LARGE1: variants seen among roughly 807,000 people sequenced by gnomAD.
LARGE1 encodes LARGE xylosyl- and glucuronyltransferase 1, also known as xylosyl- and glucuronyltransferase LARGE1.
In LARGE1, 43 loss-of-function variants were observed where a neutral mutation model predicts 87.6. The observed-to-expected ratio is 0.49, with a 90% CI of 0.38 to 0.63. The LOEUF (loss-of-function observed/expected upper bound fraction) is 0.63. Among genes scored for constraint, LARGE1 ranks in the 30% least tolerant of loss-of-function variants. The probability of loss-of-function intolerance (pLI) is 0.00; values close to 1 mark genes in which losing one functional copy is unlikely to be tolerated. For synonymous variants in LARGE1, 434 were observed against 394.6 expected, an observed-to-expected ratio of 1.10 and a Z score of -1.18; for missense variants, 802 against 1,000.2, an observed-to-expected ratio of 0.80 and a Z score of 2.67.
chr22:33,829,847 G>A (rs573640424), intron 1 of LARGE1, among the ~76,000 whole-genome samples: 19 of 152,210 alleles, frequency 1.2e-4, no homozygotes, highest in African/African-American at 4.3e-4. Context: ...GAGGCAGCCC[G>A]GGTTGGAGTT....
chr22:33,500,774 A>T (rs1307619779), intron 6 of LARGE1, among the ~76,000 whole-genome samples: 3 of 152,222 alleles, frequency 2.0e-5, no homozygotes, highest in East Asian at 3.9e-4. Context: ...AATGAGTGGC[A>T]TTATCAATAA....
chr22:33,320,699 G>T (rs922628604), intron 10 of LARGE1, among the ~76,000 whole-genome samples: 5 of 152,158 alleles, frequency 3.3e-5, no homozygotes, highest in Admixed American at 6.5e-5. Flanking sequence ...TGCACAGAAG[G>T]TGATCAATAA....
intron 11 of LARGE1, among the ~76,000 whole-genome samples, chr22:33,244,249 C>A (rs1926655495): frequency 6.6e-6 from 1 of 152,062 alleles, no homozygotes; most frequent in Admixed American, 6.6e-5. Context: ...CCCACTTCGG[C>A]CTCCCAAAGT....
chr22:33,580,318 C>T (rs188581960), intron 5 of LARGE1, among the ~76,000 whole-genome samples: 16 of 150,822 alleles, frequency 1.1e-4, no homozygotes, highest in African/African-American at 2.7e-4. Context: ...TGCGGTGAGT[C>T]GAGATCGCAC....
At chr22:33,787,979 G>A (rs2085704703) in intron 1 of LARGE1, among the ~76,000 whole-genome samples, 1 of 152,194 alleles carries the variant, frequency 6.6e-6, no homozygotes, top group African/African-American at 2.4e-5. Flanking sequence ...GGGATATGAG[G>A]ATGACAGAGT....
chr22:33,853,843 G>T (rs1345191899), intron 1 of LARGE1, among the ~76,000 whole-genome samples: 1 of 152,172 alleles, frequency 6.6e-6, no homozygotes, highest in Non-Finnish European at 1.5e-5. Context: ...GAAAATAGAA[G>T]TATGCAAGCT....
At chr22:33,755,476 T>C (rs540469240) in intron 2 of LARGE1, among the ~76,000 whole-genome samples, 32 of 152,284 alleles carry the variant, frequency 2.1e-4, no homozygotes, top group African/African-American at 7.5e-4. Context: ...CACATGCTGA[T>C]AAGTCTCTAA....
intron 10 of LARGE1, among the ~76,000 whole-genome samples, chr22:33,331,409 T>C (rs1241768201): frequency 2.2e-5 from 3 of 136,356 alleles, no homozygotes; most frequent in African/African-American, 6.1e-5. Flanking sequence ...TCTCTTCTTA[T>C]CTTTTTTTTT....
At chr22:33,117,097 T>C in the LARGE1 span, among the ~76,000 whole-genome samples, 1 of 152,232 alleles carries the variant, frequency 6.6e-6, no homozygotes, top group African/African-American at 2.4e-5. Flanking sequence ...CTACTGAAGT[T>C]CGCATATCTT....
At chr22:33,706,607 G>C (rs1174715498) in intron 2 of LARGE1, among the ~76,000 whole-genome samples, 2 of 152,240 alleles carry the variant, frequency 1.3e-5, no homozygotes, top group African/African-American at 2.4e-5. Context: ...TCTGGAAGGG[G>C]ATGGAAGAGG....
At chr22:33,555,558 C>G (rs755794560) in intron 6 of LARGE1, among the ~76,000 whole-genome samples, 2 of 152,106 alleles carry the variant, frequency 1.3e-5, no homozygotes, top group Non-Finnish European at 2.9e-5. Flanking sequence ...AGGGAATGAT[C>G]TGGAGGAGCA....
At chr22:33,846,570 G>A (rs1051106721) in intron 1 of LARGE1, among the ~76,000 whole-genome samples, 3 of 152,180 alleles carry the variant, frequency 2.0e-5, no homozygotes, top group African/African-American at 4.8e-5. Flanking sequence ...TCTGACCAAC[G>A]GTGAGCCAGG....
At position 33,358,048 on chromosome 22, in the gene LARGE1, G is replaced by C. The variant is rs371877592; in HGVS notation, c.1132-20247C>G. Among the ~76,000 whole-genome samples the C allele has an allele frequency of 3.7e-4, 56 of 152,274 alleles. No homozygotes were observed. In the East Asian group the frequency reaches 9.8e-3, roughly 27 times the overall value. On this transcript the variant is annotated intron_variant, in intron 9 of 14. Transcript: ENST00000397394. Reference sequence around the variant, plus strand: ...GTCTGCTGGGGGAATGAGAGATCCCGCATACAAGCCACAGGGCAATAGTCC... The same window carrying C: ...GTCTGCTGGGGGAATGAGAGATCCCCCATACAAGCCACAGGGCAATAGTCC...
At chr22:33,480,324 G>A (rs760059497) in intron 6 of LARGE1, among the ~76,000 whole-genome samples, 1 of 152,154 alleles carries the variant, frequency 6.6e-6, no homozygotes, top group Admixed American at 6.5e-5. Context: ...AGCCTTTTAT[G>A]ATGCAGTAAA....
chr22:33,207,891 A>G (rs1602093844), intron 11 of LARGE1, among the ~76,000 whole-genome samples: 1 of 152,144 alleles, frequency 6.6e-6, no homozygotes, highest in Admixed American at 6.6e-5. Context: ...AGAGGAAAAA[A>G]TAAAGTTTTT....
intron 2 of LARGE1, among the ~76,000 whole-genome samples, chr22:33,655,757 G>A (rs558755070): frequency 3.3e-5 from 5 of 152,094 alleles, no homozygotes; most frequent in Non-Finnish European, 7.4e-5. Flanking sequence ...AAGAGAGAAA[G>A]AGAAGAACTA....
chr22:33,287,092 G>C (rs1365241178), intron 12 of LARGE1, among the ~76,000 whole-genome samples: 2 of 152,218 alleles, frequency 1.3e-5, no homozygotes, highest in African/African-American at 4.8e-5. Flanking sequence ...CTTCTGAACT[G>C]CTGCAGAGGG....
intron 1 of LARGE1, among the ~76,000 whole-genome samples, chr22:33,817,320 A>G (rs2086683874): frequency 6.6e-6 from 1 of 152,292 alleles, no homozygotes; most frequent in East Asian, 1.9e-4. Flanking sequence ...GCACTTGTCT[A>G]TTAGATACTT....
At chr22:33,255,948 T>C (rs1300056969) in intron 11 of LARGE1, among the ~76,000 whole-genome samples, 1 of 152,224 alleles carries the variant, frequency 6.6e-6, no homozygotes, top group African/African-American at 2.4e-5. Context: ...GTTTAGCGCC[T>C]GGGGTTTCCT....
Sources: gnomAD v4.1 joint callset for allele counts (sites outside exome capture counted in the v4.1 genomes callset) on GRCh38, gnomAD v4.1.1 for gene constraint, MANE v1.5 for transcripts, NCBI Gene and HGNC (gene_info 2026-07-23, HGNC 2026-07-21) for gene names.